The following CNTN4 variants were observed in gnomAD, a reference collection of about 807,000 sequenced individuals.
CNTN4 encodes the protein contactin-4.
Under a neutral mutation model 122.5 loss-of-function variants are expected in CNTN4, and 77 were observed. The observed-to-expected ratio is 0.63, with a 90% CI of 0.52 to 0.76. The LOEUF (loss-of-function observed/expected upper bound fraction) is 0.76, where lower values mean the gene tolerates loss of function less well. CNTN4 is among the 30% of genes least tolerant of loss of function. The pLI is 0.00. For missense variants in CNTN4, 1,256 were observed against 1,259.1 expected (o/e 1.00, Z 0.04); for synonymous variants, 512 against 447.0 (o/e 1.15, Z -1.83).
intron 3 of CNTN4, among the ~76,000 whole-genome samples, chr3:2,418,809 G>T (rs2047510770): frequency 6.6e-6 from 1 of 152,134 alleles, no homozygotes; most frequent in Non-Finnish European, 1.5e-5. Flanking sequence ...ATCCATGTTG[G>T]CTTGCATTGT....
At chr3:2,336,901 C>G (rs2043975243) in intron 2 of CNTN4, among the ~76,000 whole-genome samples, 1 of 152,128 alleles carries the variant, frequency 6.6e-6, no homozygotes, top group African/African-American at 2.4e-5. Context: ...ATGCCTCAAA[C>G]TCTCAAGTGT....
chr3:2,266,303 G>A (rs1427152538), intron 2 of CNTN4, among the ~76,000 whole-genome samples: 2 of 151,992 alleles, frequency 1.3e-5, no homozygotes, highest in Non-Finnish European at 2.9e-5. Context: ...ATGCACAAGT[G>A]TTGTTTTTCT....
At chr3:2,855,825 A>T (rs2093612259) in intron 7 of CNTN4, among the ~76,000 whole-genome samples, 1 of 152,024 alleles carries the variant, frequency 6.6e-6, no homozygotes, top group African/African-American at 2.4e-5. Flanking sequence ...TTTCTGTCTT[A>T]GTAAACTCAG....
At chr3:2,534,794 G>A (rs555503441) in intron 3 of CNTN4, among the ~76,000 whole-genome samples, 13 of 121,410 alleles carry the variant, frequency 1.1e-4, no homozygotes, top group African/African-American at 3.4e-4. Flanking sequence ...CTTGAGGACT[G>A]GCACACCAAA....
intron 2 of CNTN4, among the ~76,000 whole-genome samples, chr3:2,191,851 G>A (rs952063107): frequency 1.3e-5 from 2 of 151,930 alleles, no homozygotes; most frequent in East Asian, 1.9e-4. Flanking sequence ...TTTACATTAG[G>A]TATATCTCCT....
At position 2,867,669 on chromosome 3, in the gene CNTN4, G is replaced by A. The variant is rs147880040; in HGVS notation, c.652+720G>A. ...CTTCTCCCTTGGATAAACTGATACT[G>A]GTTCTTCCAGTTTCTTTAAAGATGT... On this transcript the variant is annotated intron_variant, in intron 8 of 24. Coordinates refer to ENST00000418658, the MANE Select transcript of CNTN4 (RefSeq NM_175607.3). Among the ~76,000 whole-genome samples, 126 of 151,806 alleles carry A rather than the reference G, an allele frequency of 8.3e-4. 3 individuals are homozygous for A. The East Asian group carries it at 0.022, about 26-fold the overall frequency.
At chr3:2,702,831 A>G (rs912566121) in intron 4 of CNTN4, among the ~76,000 whole-genome samples, 10 of 152,352 alleles carry the variant, frequency 6.6e-5, no homozygotes, top group Admixed American at 3.9e-4. Context: ...ACATTAGGCT[A>G]TTATGAAACC....
chr3:2,630,613 A>T (rs1435224930), intron 4 of CNTN4, among the ~76,000 whole-genome samples: 2 of 152,168 alleles, frequency 1.3e-5, no homozygotes, highest in Non-Finnish European at 2.9e-5. Flanking sequence ...GAGAAACTAT[A>T]ACTTAATATT....
intron 2 of CNTN4, among the ~76,000 whole-genome samples, chr3:2,183,687 G>T (rs965216637): frequency 6.6e-6 from 1 of 152,106 alleles, no homozygotes; most frequent in African/African-American, 2.4e-5. Context: ...TGGCCACTGG[G>T]CAAGAGAACA....
chr3:2,382,290 C>A (rs1380260649), intron 3 of CNTN4, among the ~76,000 whole-genome samples: 1 of 151,860 alleles, frequency 6.6e-6, no homozygotes, highest in Non-Finnish European at 1.5e-5. Flanking sequence ...CTGCCTCAGC[C>A]TCCCGAGTAG....
At chr3:2,180,984 A>T (rs1444087652) in intron 2 of CNTN4, among the ~76,000 whole-genome samples, 1 of 152,088 alleles carries the variant, frequency 6.6e-6, no homozygotes, top group East Asian at 1.9e-4. Context: ...ATTAGACTGG[A>T]TTCATTGTGT....
chr3:2,752,162 C>A (rs931781436), intron 6 of CNTN4, among the ~76,000 whole-genome samples: 3 of 152,134 alleles, frequency 2.0e-5, no homozygotes, highest in Admixed American at 1.3e-4. Context: ...CTATCACTTA[C>A]AAAAACTTAA....
intron 23 of CNTN4, among the ~76,000 whole-genome samples, chr3:3,049,704 T>A (rs1238001379): frequency 6.6e-6 from 1 of 152,170 alleles, no homozygotes. Flanking sequence ...AAGCCACTTT[T>A]AAGTGGTGAG....
intron 6 of CNTN4, among the ~76,000 whole-genome samples, chr3:2,755,895 G>A (rs2090315105): frequency 6.6e-6 from 1 of 152,038 alleles, no homozygotes; most frequent in South Asian, 2.1e-4. Context: ...AAAAACCAAG[G>A]TACTAAAATA....
chr3:2,624,759 A>C (rs190365803), intron 4 of CNTN4, among the ~76,000 whole-genome samples: 1 of 150,650 alleles, frequency 6.6e-6, no homozygotes, highest in South Asian at 2.1e-4. Context: ...AGCTTCCCCA[A>C]TAGCTGGGAC....
intron 2 of CNTN4, among the ~76,000 whole-genome samples, chr3:2,134,539 T>C (rs544897168): frequency 3.9e-5 from 6 of 152,196 alleles, no homozygotes; most frequent in Non-Finnish European, 7.3e-5. Context: ...GAAAGTTTTA[T>C]GTCCTCAGTT....
At chr3:2,358,172 A>C (rs768009844) in intron 3 of CNTN4, among the ~76,000 whole-genome samples, 1 of 152,122 alleles carries the variant, frequency 6.6e-6, no homozygotes, top group African/African-American at 2.4e-5. Context: ...AGGATACAAT[A>C]TTTCTATCTA....
At chr3:2,981,190 G>A (rs186529377) in intron 13 of CNTN4, among the ~76,000 whole-genome samples, 2,096 of 152,286 alleles carry the variant, frequency 0.014, 22 homozygotes, top group Admixed American at 0.017. Flanking sequence ...CACGCCTGTA[G>A]TACCAGCACT....
chr3:2,257,992 G>A (rs2040670170), intron 2 of CNTN4, among the ~76,000 whole-genome samples: 1 of 152,162 alleles, frequency 6.6e-6, no homozygotes, highest in Admixed American at 6.6e-5. Context: ...CAACCCGGGA[G>A]GTGGAAGTTG....
Sources: allele counts gnomAD v4.1 joint callset (sites outside exome capture counted in the v4.1 genomes callset), GRCh38; gene constraint gnomAD v4.1.1; transcripts MANE v1.5; gene names NCBI Gene and HGNC (gene_info 2026-07-23, HGNC 2026-07-21).